MAGI3: variants seen among roughly 807,000 people sequenced by gnomAD.
The protein encoded by MAGI3 is membrane-associated guanylate kinase, WW and PDZ domain-containing protein 3.
Under a neutral mutation model 121.8 loss-of-function variants are expected in MAGI3, and 43 were observed. The ratio of observed to expected loss-of-function variants is 0.35; its 90% CI spans 0.28 to 0.46. The LOEUF is 0.46. MAGI3 is among the 20% of genes least tolerant of loss of function. The probability of loss-of-function intolerance (pLI) is 1.00; values close to 1 mark genes in which losing one functional copy is unlikely to be tolerated. For missense variants in MAGI3, 1,547 were observed against 1,797.3 expected (o/e 0.86, Z 2.52); for synonymous variants, 553 against 639.3 (o/e 0.86, Z 2.04).
intron 5 of MAGI3, among the ~76,000 whole-genome samples, chr1:113,591,160 AAAC>A (rs1648668510): frequency 6.6e-6 from 1 of 152,118 alleles, no homozygotes; most frequent in Non-Finnish European, 1.5e-5. Context: ...AGTTCACAAA[AAAC>A]ATTATTTTTA....
chr1:113,602,375 A>C (rs1291229750), intron 6 of MAGI3, among the ~76,000 whole-genome samples: 6 of 152,214 alleles, frequency 3.9e-5, no homozygotes, highest in African/African-American at 1.4e-4. Context: ...TTTTGGGTTA[A>C]GAACAAAATC....
chr1:113,642,241 T>C lies in MAGI3; in HGVS notation c.1691T>C (p.Val564Ala). ...NGPSDASEQR[V>A]SMASSGSSQP... is the part of the protein sequence containing the mutation. ...CCATCAGATGCAAGTGAGCAGAGAG[T>C]ATCCATGGCATCGTCAGGCAGCTCC... is the stretch of plus-strand genomic sequence containing the variant. Residue 564 changes from valine to alanine, a missense_variant, in exon 10 of 21, where the codon GTA becomes GCA. By Grantham distance (64) the Val-to-Ala change is moderately conservative. Coordinates refer to ENST00000307546, the MANE Select transcript of MAGI3 (RefSeq NM_001142782.2). 2 of 1,613,896 alleles carry C rather than the reference T, an allele frequency of 1.2e-6. No individual in the cohort carries two copies. Among genetic ancestry groups the C allele is most frequent in the Non-Finnish European group, 1.7e-6 (2 of 1,179,976 alleles).
intron 1 of MAGI3, among the ~76,000 whole-genome samples, chr1:113,522,722 C>A (rs1489437119): frequency 6.6e-6 from 1 of 152,102 alleles, no homozygotes; most frequent in Non-Finnish European, 1.5e-5. Context: ...TATCCACATA[C>A]CCTTTGCTTG....
In MAGI3 at chr1:113,629,759, T is replaced by TCCCTCTCCCTCC. The variant is rs1335092471; in HGVS notation, c.1360+6766_1360+6767insCCTCTCCCTCCC. ...CTCTCTCTCTCTCTCTCTCTCTCTC[T>TCCCTCTCCCTCC]CTCCCTCCCTCCCTCCCTCCCTCCC... is the stretch of plus-strand genomic sequence containing the variant. On this transcript the variant is annotated intron_variant, in intron 9 of 20. Coordinates refer to ENST00000307546, the MANE Select transcript of MAGI3 (RefSeq NM_001142782.2). Among the ~76,000 whole-genome samples, 11 of 80,586 alleles carry TCCCTCTCCCTCC rather than the reference T, an allele frequency of 1.4e-4. No homozygotes were observed. In the Admixed American group the frequency reaches 1.6e-3, roughly 12 times the overall value. 52.9% of individuals were successfully genotyped at this position (80,586 alleles called of 152,430 possible). A position where few individuals can be genotyped will look rare whatever the true frequency, so the allele number is the denominator to read the frequency against.
At chr1:113,509,864 C>T (rs796277764) in intron 1 of MAGI3, among the ~76,000 whole-genome samples, 134 of 146,214 alleles carry the variant, frequency 9.2e-4, no homozygotes, top group African/African-American at 3.1e-3. Flanking sequence ...GTTTGTCTTC[C>T]GAGCCACGAG....
chr1:113,460,543 C>T (rs551630606), intron 1 of MAGI3, among the ~76,000 whole-genome samples: 1 of 152,132 alleles, frequency 6.6e-6, no homozygotes, highest in Non-Finnish European at 1.5e-5. Flanking sequence ...GGCACGGTGG[C>T]TCACGCCTGT....
intron 2 of MAGI3, 121 bp downstream of exon 2, chr1:113,549,752 G>T (rs1442199755): frequency 3.8e-6 from 2 of 522,898 alleles, no homozygotes; most frequent in Non-Finnish European, 6.7e-6. Context: ...TTGGGAACAA[G>T]AATGAAACAA....
intron 9 of MAGI3, among the ~76,000 whole-genome samples, chr1:113,623,443 T>TACACACATACACAC (rs1553208626): frequency 4.8e-5 from 3 of 62,996 alleles, no homozygotes; most frequent in Non-Finnish European, 9.7e-5. Flanking sequence ...CACATATATA[T>TACACACATACACAC]ACACACACAT....
At chr1:113,650,275 A>G (rs1653083591) in intron 13 of MAGI3, among the ~76,000 whole-genome samples, 1 of 138,074 alleles carries the variant, frequency 7.2e-6, no homozygotes, top group Non-Finnish European at 1.6e-5. Context: ...TGTTCTTGGT[A>G]TTTGTATTTT....
Position 113,649,310 on chromosome 1 carries a change from A to C in MAGI3, c.2229A>C (p.Gly743=), listed in dbSNP as rs72689978. 6.2e-7 allele frequency: 1 copy of C among 1,612,412 alleles called. No individual in the cohort carries two copies. The highest frequency in any genetic ancestry group is 8.5e-7 in the Non-Finnish European group (1 of 1,179,120). ...ESGFGFRVLG[G]DGPDQSIYIG... is the part of the protein sequence containing the mutation. ...GGTTTGGCTTCAGGGTGCTAGGAGGAGATGGACCTGACCAGTCTGTAAGTG... is the reference window on the plus strand; with the variant it reads ...GGTTTGGCTTCAGGGTGCTAGGAGGCGATGGACCTGACCAGTCTGTAAGTG... The change falls in exon 13 of 21, where the codon GGA becomes GGC. Residue 743 remains glycine (G), a synonymous_variant. Transcript: ENST00000307546.
At chr1:113,486,617 T>C (rs996473181) in intron 1 of MAGI3, among the ~76,000 whole-genome samples, 1 of 152,022 alleles carries the variant, frequency 6.6e-6, no homozygotes, top group African/African-American at 2.4e-5. Flanking sequence ...TTATATACTT[T>C]CTTGTGAAGA....
intron 9 of MAGI3, among the ~76,000 whole-genome samples, chr1:113,623,497 T>TA (rs1479748550): frequency 3.2e-3 from 10 of 3,088 alleles, no homozygotes; most frequent in South Asian, 0.071. Flanking sequence ...CATATATATA[T>TA]TTTTTTTTGA....
chr1:113,472,734 TTGTGTGTG>T (rs35390645), intron 1 of MAGI3, among the ~76,000 whole-genome samples: 2 of 139,340 alleles, frequency 1.4e-5, no homozygotes, highest in African/African-American at 2.6e-5. Context: ...TCTACTACAG[TTGTGTGTG>T]TGTGTGTGTG....
chr1:113,460,903 G>A (rs991464151), intron 1 of MAGI3, among the ~76,000 whole-genome samples: 1 of 151,722 alleles, frequency 6.6e-6, no homozygotes, highest in Non-Finnish European at 1.5e-5. Context: ...CAAAATCAAT[G>A]TACAAAAATT....
chr1:113,520,186 A>T (rs940079882), intron 1 of MAGI3, among the ~76,000 whole-genome samples: 4 of 151,814 alleles, frequency 2.6e-5, no homozygotes, highest in Non-Finnish European at 5.9e-5. Context: ...TTTTTTTTTT[A>T]AATAGAAATA....
At position 113,539,145 on chromosome 1, in the gene MAGI3, A is replaced by AGCAC. The variant is rs1659147922; in HGVS notation, c.317-10369_317-10366dup. ...TGTGGTGGCTCACTCCTGTAATCCC[A>AGCAC]GCACTTTGGGAGGCCAGGGCGGGTG... On this transcript the variant is annotated intron_variant, in intron 1 of 20. Transcript: ENST00000307546. Among the ~76,000 whole-genome samples the AGCAC allele has an allele frequency of 3.9e-5, 6 of 152,332 alleles. No homozygotes were observed. In the South Asian group the frequency reaches 1.2e-3, roughly 32 times the overall value.
At chr1:113,401,570 T>G (rs1651405149) in intron 1 of MAGI3, among the ~76,000 whole-genome samples, 1 of 152,188 alleles carries the variant, frequency 6.6e-6, no homozygotes, top group African/African-American at 2.4e-5. Context: ...TAGATACATA[T>G]TTTAGGATAA....
intron 1 of MAGI3, among the ~76,000 whole-genome samples, chr1:113,433,943 C>A (rs1653430590): frequency 6.6e-6 from 1 of 152,042 alleles, no homozygotes; most frequent in Non-Finnish European, 1.5e-5. Context: ...TATTTTTATT[C>A]TTATCTCTTT....
intron 1 of MAGI3, among the ~76,000 whole-genome samples, chr1:113,416,331 T>TTA (rs1557744636): frequency 2.7e-5 from 2 of 73,558 alleles, no homozygotes; most frequent in South Asian, 4.5e-4. Context: ...ATTAATTATA[T>TTA]ATCAATCATA....
Sources: allele counts gnomAD v4.1 joint callset (sites outside exome capture counted in the v4.1 genomes callset), GRCh38; gene constraint gnomAD v4.1.1; transcripts MANE v1.5; gene names NCBI Gene and HGNC (gene_info 2026-07-23, HGNC 2026-07-21).